LRRC71: variants seen among roughly 807,000 people sequenced by gnomAD.
LRRC71 encodes leucine-rich repeat-containing protein 71.
In LRRC71, 54 loss-of-function variants were observed where a neutral mutation model predicts 66.6. The observed-to-expected ratio is 0.81, with a 90% CI of 0.65 to 1.02. LRRC71 has a LOEUF of 1.02. Ranked by LOEUF, LRRC71 falls within the 50% of genes least tolerant of loss-of-function variation. The pLI is 0.00. For synonymous variants in LRRC71, 323 were observed against 303.9 expected (o/e 1.06, Z -0.65); for missense variants, 724 against 718.0 (o/e 1.01, Z -0.10).
At chr1:156,936,288 G>A (rs988219163), downstream of LRRC71, 2 of 712,914 alleles carry the variant, frequency 2.8e-6, no homozygotes, top group African/African-American at 3.5e-5. Flanking sequence ...CCTGAGTTAT[G>A]ACATAGCTGT....
chr1:156,924,003 G>A lies in LRRC71; in HGVS notation c.215G>A (p.Arg72Gln). ...LETDFAELCT[R>Q]WGYTDFPKVV... ...ACCGACTTCGCCGAGCTCTGCACGC[G>A]GTGGGGCTACACGGACTTCCCCAAA... is the stretch of plus-strand genomic sequence containing the variant. The change falls in exon 2 of 15, where the codon CGG becomes CAG. Residue 72 changes from arginine (R) to glutamine (Q), a missense_variant. Physicochemically the swap from Arg to Gln is conservative, Grantham distance 43. Coordinates refer to ENST00000337428, the MANE Select transcript of LRRC71 (RefSeq NM_144702.3). 2 of 1,547,310 alleles carry A rather than the reference G, an allele frequency of 1.3e-6. No individual in the cohort carries two copies. The highest frequency in any genetic ancestry group is 1.7e-6 in the Non-Finnish European group (2 of 1,145,418).
chr1:156,936,258 G>A, downstream of LRRC71: 1 of 757,234 alleles, frequency 1.3e-6, no homozygotes. Flanking sequence ...CTTAGGTCAG[G>A]TAGGTATGTG....
At chr1:156,921,014 G>A in intron 1 of LRRC71, 51 bp downstream of exon 1, 3 of 1,451,718 alleles carry the variant, frequency 2.1e-6, no homozygotes, top group Non-Finnish European at 2.7e-6. Flanking sequence ...GCGTCTTCCC[G>A]GGTTCCCACT....
Position 156,928,010 on chromosome 1 carries a change from G to A in LRRC71, c.996+6G>A. ...CACAGGAGCGCTCGCGATCGGTGAG[G>A]AGCTACCAGGCCCCAGGACCAGCCG... On this transcript the variant is annotated splice_donor_region_variant and intron_variant, in intron 9 of 14. Transcript: ENST00000337428. 1.9e-6 allele frequency: 3 copies of A among 1,587,534 alleles called. No homozygotes were observed. Among genetic ancestry groups the A allele is most frequent in the Admixed American group, 1.8e-5 (1 of 56,328 alleles).
At chr1:156,929,100 C>T (rs892289359) in intron 9 of LRRC71, among the ~76,000 whole-genome samples, 180 bp from the exon 10 acceptor site, 5 of 152,232 alleles carry the variant, frequency 3.3e-5, no homozygotes, top group Admixed American at 1.3e-4. Flanking sequence ...TATTTCTTCC[C>T]GAAAGCATCT....
downstream of LRRC71, chr1:156,937,593 G>A (rs1377211953): frequency 2.2e-6 from 3 of 1,337,130 alleles, no homozygotes; most frequent in Non-Finnish European, 3.1e-6. Flanking sequence ...TGACAGAGCA[G>A]GCCAGGCAGT....
the LRRC71 span, chr1:156,940,545 T>G: frequency 2.3e-6 from 2 of 886,714 alleles, no homozygotes; most frequent in Admixed American, 3.0e-5. Context: ...AGTTGTTTAC[T>G]GAGAACTTCC....
At chr1:156,921,608 T>A in intron 1 of LRRC71, 1 of 984,842 alleles carries the variant, frequency 1.0e-6, no homozygotes, top group Non-Finnish European at 1.2e-6. Context: ...TCAGTGCTGG[T>A]GGATGGGGAG....
At chr1:156,940,335 C>A in the LRRC71 span, 1 of 1,613,942 alleles carries the variant, frequency 6.2e-7, no homozygotes, top group Non-Finnish European at 8.5e-7. Context: ...AGGCAGGACA[C>A]CCAGTTCCTC....
In LRRC71 at chr1:156,925,745, G is replaced by A. The variant is rs1404882025; in HGVS notation, c.593+730G>A. ...CTGCCTCTTCTTGCTTCATGGTGGC[G>A]GGGGGGTACCCCTCCATGCAGTGGC... is the stretch of plus-strand genomic sequence containing the variant. On this transcript the variant is annotated intron_variant, in intron 5 of 14. Transcript: ENST00000337428. Among the ~76,000 whole-genome samples the A allele has an allele frequency of 7.3e-5, 11 of 151,316 alleles. 1 individual carries two copies. Among genetic ancestry groups the A allele is most frequent in the South Asian group, 4.2e-4 (2 of 4,816 alleles).
At chr1:156,932,353 G>A in intron 13 of LRRC71, 71 bp from the exon 14 acceptor site, 1 of 1,251,250 alleles carries the variant, frequency 8.0e-7, no homozygotes, top group African/African-American at 1.5e-5. Flanking sequence ...GGGATGCTGG[G>A]GATGTCTGGT....
intron 5 of LRRC71, 121 bp from the exon 6 acceptor site, chr1:156,927,081 G>C: frequency 1.3e-6 from 1 of 787,240 alleles, no homozygotes; most frequent in Non-Finnish European, 2.1e-6. Flanking sequence ...CCTATATTGG[G>C]GGGGCAATCC....
chr1:156,937,318 C>G, downstream of LRRC71: 5 of 1,613,976 alleles, frequency 3.1e-6, no homozygotes, highest in Non-Finnish European at 4.2e-6. Context: ...CCCTGAGGGC[C>G]AGGCTTGGAG....
chr1:156,932,616 G>A, intron 14 of LRRC71, 71 bp downstream of exon 14: 1 of 1,613,630 alleles, frequency 6.2e-7, no homozygotes, highest in South Asian at 1.1e-5. Context: ...GACAGCTGCT[G>A]CAGGCAGCTT....
At chr1:156,936,137 C>T (rs771395392), downstream of LRRC71, 11 of 1,406,674 alleles carry the variant, frequency 7.8e-6, no homozygotes, top group Non-Finnish European at 1.0e-5. Flanking sequence ...AAAGTTCAGG[C>T]TCACGAGAAC....
At position 156,927,547 on chromosome 1, in the gene LRRC71, A is replaced by G; in HGVS notation, c.714A>G (p.Gln238=). Reference sequence around the variant, plus strand: ...ATAACATCGACGACCGCGGGGCGCAACTCCTGGGCCAGGCGCTGTCCACGC... The same window carrying G: ...ATAACATCGACGACCGCGGGGCGCAGCTCCTGGGCCAGGCGCTGTCCACGC... ...RNNNIDDRGA[Q]LLGQALSTLH... Residue 238 remains glutamine, a synonymous_variant, in exon 7 of 15, where the codon CAA becomes CAG. Coordinates refer to ENST00000337428, the MANE Select transcript of LRRC71 (RefSeq NM_144702.3). 6.4e-7 allele frequency: 1 copy of G among 1,563,506 alleles called. No individual in the cohort carries two copies. The highest frequency in any genetic ancestry group is 8.7e-7 in the Non-Finnish European group (1 of 1,155,644).
chr1:156,935,725 G>A, downstream of LRRC71: 1 of 461,488 alleles, frequency 2.2e-6, no homozygotes. Flanking sequence ...GGCAGACCAT[G>A]GTGAGTGGGG....
the LRRC71 span, chr1:156,939,900 C>T: frequency 6.2e-7 from 1 of 1,604,484 alleles, no homozygotes; most frequent in African/African-American, 1.3e-5. Context: ...TCAGATGTCG[C>T]AGGTTCTCCA....
At chr1:156,926,021 T>A in intron 5 of LRRC71, among the ~76,000 whole-genome samples, 1 of 152,168 alleles carries the variant, frequency 6.6e-6, no homozygotes, top group Non-Finnish European at 1.5e-5. Flanking sequence ...GGCTGAAAGG[T>A]TGAACAAAAT....
Sources: allele counts gnomAD v4.1 joint callset (sites outside exome capture counted in the v4.1 genomes callset), GRCh38; gene constraint gnomAD v4.1.1; transcripts MANE v1.5; gene names NCBI Gene and HGNC (gene_info 2026-07-23, HGNC 2026-07-21).